URB1: variants seen among roughly 807,000 people sequenced by gnomAD.
URB1 encodes nucleolar pre-ribosomal-associated protein 1.
A neutral mutation model predicts 242.3 loss-of-function variants in URB1; 197 were observed. The ratio of observed to expected loss-of-function variants is 0.81; its 90% CI spans 0.72 to 0.91. URB1 has a LOEUF of 0.91. Among genes scored for constraint, URB1 ranks in the 40% least tolerant of loss-of-function variants. The pLI is 0.00. For synonymous variants in URB1, 1,153 were observed against 1,201.8 expected (o/e 0.96, Z 0.84); for missense variants, 2,721 against 2,860.5 (o/e 0.95, Z 1.11).
intron 13 of URB1, among the ~76,000 whole-genome samples, 178 bp downstream of exon 13, chr21:32,360,829 A>G (rs978884551): frequency 5.9e-5 from 9 of 152,212 alleles, no homozygotes; most frequent in African/African-American, 1.9e-4. Context: ...TGTTCATCTG[A>G]TATTTACTTA....
chr21:32,315,428 C>T (rs527284168), intron 38 of URB1, among the ~76,000 whole-genome samples: 1 of 152,092 alleles, frequency 6.6e-6, no homozygotes, highest in East Asian at 1.9e-4. Flanking sequence ...ATCCTCCCAC[C>T]TCAGCCTCCA....
At chr21:32,325,811 T>A (rs1444990293) in intron 30 of URB1, among the ~76,000 whole-genome samples, 4 of 152,058 alleles carry the variant, frequency 2.6e-5, no homozygotes, top group Admixed American at 2.6e-4. Flanking sequence ...TCTATAAGCA[T>A]CACCGAGGAA....
chr21:32,383,328 G>A, intron 4 of URB1, 94 bp downstream of exon 4: 1 of 1,397,810 alleles, frequency 7.2e-7, no homozygotes, highest in Non-Finnish European at 9.6e-7. Context: ...TTTCATCTGT[G>A]TGGGGATCAG....
At position 32,319,371 on chromosome 21, in the gene URB1, G is replaced by A; in HGVS notation, c.5638C>T (p.His1880Tyr). Residue 1880 changes from histidine (H) to tyrosine (Y), a missense_variant, in exon 36 of 39, where the codon CAC (histidine) becomes TAC (tyrosine). Coordinates refer to ENST00000382751, the MANE Select transcript of URB1 (RefSeq NM_014825.3). ...CCCAGGTTGGTCACCCACAGTGTGT[G>A]TAGCAAGGAGATCACATTAGACAGC... The part of the protein sequence containing the change: ...PLLSNVISLL[H>Y]TLWVTNLGDK... 1 of 1,546,842 alleles carries A rather than the reference G, an allele frequency of 6.5e-7. No individual in the cohort carries two copies. The highest frequency in any genetic ancestry group is 8.7e-7 in the Non-Finnish European group (1 of 1,145,386).
At position 32,343,854 on chromosome 21, in the gene URB1, A is replaced by G. The variant is rs113191468; in HGVS notation, c.4257+716T>C. Among the ~76,000 whole-genome samples the G allele has an allele frequency of 1.3e-3, 190 of 151,860 alleles. 1 individual carries two copies. Among genetic ancestry groups the G allele is most frequent in the Middle Eastern group, 6.8e-3 (2 of 294 alleles). ...CTTGAATAAAACTACCCTGAAGTGT[A>G]TCATTATCAAACTGCTTTAAACCAT... On this transcript the variant is annotated intron_variant, in intron 24 of 38. Coordinates refer to ENST00000382751, the MANE Select transcript of URB1 (RefSeq NM_014825.3).
rs57832593 is a variant in URB1, at chr21:32,359,650, G to T, written c.1869+146C>A. 6 of 666,568 alleles carry T rather than the reference G, an allele frequency of 9.0e-6. No individual in the cohort carries two copies. The South Asian group carries it at 1.0e-4, about 11-fold the overall frequency. The allele number at this position is 666,568 out of a possible 1,614,324, so 41.3% of individuals were successfully genotyped here. On this transcript the variant is annotated intron_variant, in intron 14 of 38. Coordinates refer to ENST00000382751, the MANE Select transcript of URB1 (RefSeq NM_014825.3). ...TCCTGGTTCATGAATCAGGACCTCT[G>T]CTGTGGGTCTCTCTAAAATGAGAAC...
At chr21:32,316,424 T>G in intron 38 of URB1, 42 bp downstream of exon 38, 17 of 1,463,482 alleles carry the variant, frequency 1.2e-5, no homozygotes, top group Non-Finnish European at 1.4e-5. Flanking sequence ...GGCCCACTTC[T>G]GCATCTATTT....
chr21:32,387,535 A>T (rs527353935), intron 1 of URB1, among the ~76,000 whole-genome samples: 100 of 151,214 alleles, frequency 6.6e-4, no homozygotes, highest in African/African-American at 2.3e-3. Context: ...TGAGAGCGTA[A>T]GCTAAAGGTA....
intron 25 of URB1, 72 bp from the exon 26 acceptor site, chr21:32,338,972 T>A (rs2032997032): frequency 1.5e-6 from 2 of 1,358,180 alleles, no homozygotes; most frequent in Admixed American, 5.6e-5. Context: ...ACAATAAAGA[T>A]TCTTTTTCTC....
In URB1 at chr21:32,354,928, T is replaced by C; in HGVS notation, c.2176A>G (p.Ser726Gly). 6.4e-7 allele frequency: 1 copy of C among 1,552,370 alleles called. No homozygotes were observed. Among genetic ancestry groups the C allele is most frequent in the Non-Finnish European group, 8.7e-7 (1 of 1,147,144 alleles). Residue 726 changes from serine to glycine, a missense_variant, in exon 17 of 39, where the codon AGC becomes GGC. Coordinates refer to ENST00000382751, the MANE Select transcript of URB1 (RefSeq NM_014825.3). ...DKASDFVQEA[S>G]MLQATMTKQE... ...TTCGTCATAGTGGCCTGCAGCATGC[T>C]TGCTTCTTGGACAAAGTCAGATGCT...
chr21:32,342,737 G>A (rs1376840554), intron 24 of URB1, among the ~76,000 whole-genome samples: 6 of 99,984 alleles, frequency 6.0e-5, no homozygotes, highest in African/African-American at 1.1e-4. Context: ...TTACAGGCGC[G>A]TGCCACCATG....
Position 32,352,821 on chromosome 21 carries a change from G to C in URB1, c.2502C>G (p.Leu834=), listed in dbSNP as rs570682356. 2 of 1,551,734 alleles carry C rather than the reference G, an allele frequency of 1.3e-6. No homozygotes were observed. The highest frequency in any genetic ancestry group is 2.7e-5 in the African/African-American group (2 of 73,180). The change falls in exon 19 of 39, where the codon CTC becomes CTG. Residue 834 remains leucine, a synonymous_variant. Coordinates refer to ENST00000382751, the MANE Select transcript of URB1 (RefSeq NM_014825.3). ...QRDPLALCLL[L]QAYDKLEPPC... The stretch of plus-strand genomic sequence containing the variant: ...GAGGCTCAAGCTTATCATATGCCTG[G>C]AGCAGGAGACACAGAGCCAGGGGGT...
chr21:32,372,210 G>T (rs553293760), intron 8 of URB1, among the ~76,000 whole-genome samples: 3 of 152,222 alleles, frequency 2.0e-5, no homozygotes, highest in Non-Finnish European at 4.4e-5. Flanking sequence ...CAAGGCAGAC[G>T]CCTTTTCTGA....
At chr21:32,385,411 C>T (rs1040422824) in intron 2 of URB1, 134 bp downstream of exon 2, 3 of 1,314,370 alleles carry the variant, frequency 2.3e-6, no homozygotes, top group Middle Eastern at 2.7e-4. Flanking sequence ...GAATACATTC[C>T]TACAGCACAG....
At chr21:32,362,046 A>C (rs866428756) in intron 11 of URB1, 25 bp from the exon 12 acceptor site, 5 of 1,549,958 alleles carry the variant, frequency 3.2e-6, no homozygotes, top group Non-Finnish European at 4.4e-6. Flanking sequence ...GAAGCAGAAC[A>C]TTAGTTGTAG....
At chr21:32,386,663 T>C (rs2033586701) in intron 1 of URB1, among the ~76,000 whole-genome samples, 1 of 152,152 alleles carries the variant, frequency 6.6e-6, no homozygotes, top group South Asian at 2.1e-4. Context: ...TTCCCTCAAC[T>C]GTAGAATGGG....
At chr21:32,372,672 C>G in intron 7 of URB1, 41 bp from the exon 8 acceptor site, 5 of 1,533,794 alleles carry the variant, frequency 3.3e-6, no homozygotes, top group Non-Finnish European at 4.4e-6. Flanking sequence ...ATCCCAAGCT[C>G]ATACACTTTA....
chr21:32,392,985 A>T lies in URB1; in HGVS notation c.-75T>A. On this transcript the variant is annotated 5_prime_UTR_variant, in exon 1 of 39. Coordinates refer to ENST00000382751, the MANE Select transcript of URB1 (RefSeq NM_014825.3). ...GCAGGAGCACTGGCACAGACAGCAGACACGCGCTTCAGGCCCACATGGCGC... is the reference window on the plus strand; with the variant it reads ...GCAGGAGCACTGGCACAGACAGCAGTCACGCGCTTCAGGCCCACATGGCGC... 2 of 1,415,438 alleles carry T rather than the reference A, an allele frequency of 1.4e-6. No individual in the cohort carries two copies. The highest frequency in any genetic ancestry group is 9.2e-7 in the Non-Finnish European group (1 of 1,084,218). 87.7% of individuals were successfully genotyped at this position (1,415,438 alleles called of 1,614,324 possible). A position where few individuals can be genotyped will look rare whatever the true frequency, so the allele number is the denominator to read the frequency against.
At chr21:32,361,146 A>AAGAAAAAG in intron 12 of URB1, 23 bp from the exon 13 acceptor site, 2 of 1,287,300 alleles carry the variant, frequency 1.6e-6, no homozygotes, top group Admixed American at 2.8e-5. Context: ...AAGAAAAAGA[A>AAGAAAAAG]AGAAAAAGAG....
Sources: allele counts gnomAD v4.1 joint callset (sites outside exome capture counted in the v4.1 genomes callset), GRCh38; gene constraint gnomAD v4.1.1; transcripts MANE v1.5; gene names NCBI Gene and HGNC (gene_info 2026-07-23, HGNC 2026-07-21).